SAMD8: variants seen among roughly 807,000 people sequenced by gnomAD.
SAMD8 encodes sphingomyelin synthase-related protein 1.
A neutral mutation model predicts 42.0 loss-of-function variants in SAMD8; 20 were observed. That is an observed-to-expected ratio of 0.48 (90% confidence interval 0.34 to 0.69). The LOEUF (loss-of-function observed/expected upper bound fraction) is 0.69, where lower values mean the gene tolerates loss of function less well. Ranked by LOEUF, SAMD8 falls within the 30% of genes least tolerant of loss-of-function variation. The pLI, the probability that SAMD8 is intolerant of heterozygous loss-of-function variation, is 0.01. For missense variants in SAMD8, 328 were observed against 511.6 expected (o/e 0.64, Z 3.46); for synonymous variants, 162 against 173.0 (o/e 0.94, Z 0.50).
chr10:75,120,720 G>A (rs970704085), intron 1 of SAMD8, among the ~76,000 whole-genome samples: 2 of 142,038 alleles, frequency 1.4e-5, no homozygotes, highest in Non-Finnish European at 3.1e-5. Flanking sequence ...TTATATTATT[G>A]TTTCTCAGTT....
Position 75,164,697 on chromosome 10 carries a change from C to A in SAMD8, c.631C>A (p.Leu211Met), listed in dbSNP as rs773234753. 3.1e-6 allele frequency: 5 copies of A among 1,613,972 alleles called. No individual in the cohort carries two copies. Among genetic ancestry groups the A allele is most frequent in the Non-Finnish European group, 4.2e-6 (5 of 1,180,006 alleles). The change falls in exon 3 of 6, where the codon CTG (leucine) becomes ATG (methionine). Residue 211 changes from leucine (L) to methionine (M), a missense_variant. Coordinates refer to ENST00000542569, the MANE Select transcript of SAMD8 (RefSeq NM_001174156.2). Reference protein sequence around the residue: ...FAMTEVCGMILCYIWLLVLLL... With the variant: ...FAMTEVCGMIMCYIWLLVLLL... ...CATGACGGAAGTATGTGGCATGATT[C>A]TGTGCTATATTTGGCTCCTGGTTCT...
intron 4 of SAMD8, among the ~76,000 whole-genome samples, chr10:75,171,213 C>T (rs60394063): frequency 3.4e-5 from 4 of 117,536 alleles, no homozygotes; most frequent in African/African-American, 3.4e-5. Context: ...GTCACTCAGG[C>T]GGGAGTGCAG....
At chr10:75,099,692 C>T (rs1848015716) in exon 1 of SAMD8, 1 of 452,958 alleles carries the variant, frequency 2.2e-6, no homozygotes, top group African/African-American at 2.0e-5. Context: ...CCGTTGGTTC[C>T]ATAAACCTCC....
chr10:75,105,150 T>A (rs532001580), intron 1 of SAMD8, among the ~76,000 whole-genome samples: 1 of 152,106 alleles, frequency 6.6e-6, no homozygotes, highest in African/African-American at 2.4e-5. Flanking sequence ...CTGATGAGAA[T>A]TAGCTAAGCC....
At chr10:75,126,318 A>G (rs1849131746) in intron 1 of SAMD8, among the ~76,000 whole-genome samples, 1 of 152,106 alleles carries the variant, frequency 6.6e-6, no homozygotes, top group South Asian at 2.1e-4. Context: ...TCTTTTGAGG[A>G]TTGAGTGAAC....
intron 3 of SAMD8, among the ~76,000 whole-genome samples, chr10:75,167,207 G>T (rs1342404338): frequency 2.0e-5 from 3 of 152,146 alleles, no homozygotes; most frequent in Non-Finnish European, 4.4e-5. Context: ...TAAGTTAAGA[G>T]AAGTTAGAAT....
intron 2 of SAMD8, among the ~76,000 whole-genome samples, chr10:75,155,035 G>A (rs374457710): frequency 6.6e-6 from 1 of 152,042 alleles, no homozygotes; most frequent in Non-Finnish European, 1.5e-5. Context: ...ACGACTGCAG[G>A]TGTGTGTCAC....
At chr10:75,134,312 A>G (rs966064154) in intron 1 of SAMD8, among the ~76,000 whole-genome samples, 2 of 152,178 alleles carry the variant, frequency 1.3e-5, no homozygotes, top group East Asian at 1.9e-4. Flanking sequence ...ACAAACCTGC[A>G]TGTCCTGCTC....
chr10:75,107,313 C>A (rs1848577413), upstream of SAMD8, among the ~76,000 whole-genome samples: 1 of 150,802 alleles, frequency 6.6e-6, no homozygotes, highest in Admixed American at 6.6e-5. Context: ...CGCCACTGCA[C>A]TCCAGCTTGG....
At chr10:75,165,273 A>C (rs112307897) in intron 3 of SAMD8, among the ~76,000 whole-genome samples, 101 of 152,240 alleles carry the variant, frequency 6.6e-4, no homozygotes, top group African/African-American at 2.4e-3. Context: ...TTAGAAACAA[A>C]CTGGAAAAGT....
intron 4 of SAMD8, chr10:75,175,861 A>G: frequency 4.1e-6 from 4 of 985,268 alleles, no homozygotes; most frequent in Non-Finnish European, 3.6e-6. Flanking sequence ...ATTTCATTTA[A>G]TTACCAAAAT....
chr10:75,164,180 T>C (rs906594995), intron 2 of SAMD8, among the ~76,000 whole-genome samples: 21 of 152,296 alleles, frequency 1.4e-4, no homozygotes, highest in Admixed American at 8.5e-4. Context: ...ATGGCACCAC[T>C]GTACTGCAAC....
intron 3 of SAMD8, among the ~76,000 whole-genome samples, chr10:75,165,604 G>C (rs1044183431): frequency 3.6e-4 from 55 of 151,288 alleles, no homozygotes; most frequent in Non-Finnish European, 7.4e-4. Context: ...CCAGGAGGCA[G>C]AGCTTGCAGT....
intron 1 of SAMD8, among the ~76,000 whole-genome samples, chr10:75,122,921 A>G (rs1589936590): frequency 6.6e-6 from 1 of 152,250 alleles, no homozygotes; most frequent in East Asian, 1.9e-4. Context: ...TGATTTTCAA[A>G]TATTGAACCA....
chr10:75,128,080 T>TC (rs1445171404), intron 1 of SAMD8, among the ~76,000 whole-genome samples: 1 of 148,048 alleles, frequency 6.8e-6, no homozygotes, highest in East Asian at 1.9e-4. Context: ...TTAATTTTTT[T>TC]TTTTTTTTTT....
At chr10:75,147,619 G>T (rs560073116) in intron 1 of SAMD8, among the ~76,000 whole-genome samples, 67 of 152,250 alleles carry the variant, frequency 4.4e-4, no homozygotes, top group Middle Eastern at 6.8e-3. Flanking sequence ...CACCATGCCC[G>T]GCTGGCTTTG....
chr10:75,151,135 G>A (rs866033323), intron 2 of SAMD8, 29 bp downstream of exon 2: 1 of 1,227,778 alleles, frequency 8.1e-7, no homozygotes, highest in East Asian at 2.5e-5. Flanking sequence ...TGCTAAGTTT[G>A]TAGGATGTTG....
rs78084226 is a variant in SAMD8 at position 75,164,251 on chromosome 10, A to G, written c.579-394A>G. On this transcript the variant is annotated intron_variant, in intron 2 of 5. Coordinates refer to ENST00000542569, the MANE Select transcript of SAMD8 (RefSeq NM_001174156.2). Reference sequence around the variant, plus strand: ...CAACAACAATAACAACAAAGCATCAAGTTCAAACCCTGATTGTTTGCACTC... The same window carrying G: ...CAACAACAATAACAACAAAGCATCAGGTTCAAACCCTGATTGTTTGCACTC... Among the ~76,000 whole-genome samples the G allele has an allele frequency of 2.2e-3, 335 of 152,266 alleles. 11 individuals are homozygous for G. In the East Asian group the frequency reaches 0.055, roughly 25 times the overall value.
chr10:75,130,767 T>TG (rs918681498), intron 1 of SAMD8, among the ~76,000 whole-genome samples: 3 of 152,212 alleles, frequency 2.0e-5, no homozygotes, highest in African/African-American at 7.2e-5. Context: ...ATTTGAATCC[T>TG]GGCTCGGACA....
Sources: allele counts gnomAD v4.1 joint callset (sites outside exome capture counted in the v4.1 genomes callset), GRCh38; gene constraint gnomAD v4.1.1; transcripts MANE v1.5; gene names NCBI Gene and HGNC (gene_info 2026-07-23, HGNC 2026-07-21).